The following TRIO variants were observed in gnomAD, a reference collection of about 807,000 sequenced individuals.
The protein encoded by TRIO is trio Rho guanine nucleotide exchange factor.
TRIO carries 58 observed loss-of-function variants against 351.9 expected under a neutral mutation model. That is an observed-to-expected ratio of 0.16 (90% CI 0.13 to 0.21). The LOEUF is 0.21. TRIO is among the 10% of genes least tolerant of loss of function. TRIO has a pLI of 1.00. For missense variants in TRIO, 3,201 were observed against 4,027.8 expected, an observed-to-expected ratio of 0.79 and a Z score of 5.56; for synonymous variants, 1,758 against 1,595.7, an observed-to-expected ratio of 1.10 and a Z score of -2.42.
intron 1 of TRIO, among the ~76,000 whole-genome samples, chr5:14,201,871 A>G (rs1791131748): frequency 6.6e-6 from 1 of 151,566 alleles, no homozygotes. Flanking sequence ...GTTTCAAGAA[A>G]AAAGTTGAAA....
chr5:14,271,853 A>G (rs1277593584), intron 2 of TRIO, among the ~76,000 whole-genome samples: 1 of 152,200 alleles, frequency 6.6e-6, no homozygotes, highest in Non-Finnish European at 1.5e-5. Flanking sequence ...TGATACTGCT[A>G]TATATTTAAG....
intron 1 of TRIO, among the ~76,000 whole-genome samples, chr5:14,247,454 A>G (rs1435769268): frequency 6.6e-6 from 1 of 152,278 alleles, no homozygotes; most frequent in Non-Finnish European, 1.5e-5. Flanking sequence ...ATGGTAAGAT[A>G]TAAAAGTCTT....
At chr5:14,330,460 T>C (rs1037971094) in intron 9 of TRIO, among the ~76,000 whole-genome samples, 2 of 152,204 alleles carry the variant, frequency 1.3e-5, no homozygotes, top group Non-Finnish European at 2.9e-5. Flanking sequence ...ACCCAGTCAG[T>C]TTGGTGGCCC....
At chr5:14,426,653 G>C (rs1222351170) in intron 34 of TRIO, among the ~76,000 whole-genome samples, 1 of 152,208 alleles carries the variant, frequency 6.6e-6, no homozygotes, top group East Asian at 1.9e-4. Flanking sequence ...TAAACCGTAG[G>C]CTCGGTAGAG....
At chr5:14,341,883 TGG>T (rs1401010256) in intron 11 of TRIO, among the ~76,000 whole-genome samples, 1 of 152,246 alleles carries the variant, frequency 6.6e-6, no homozygotes, top group African/African-American at 2.4e-5. Context: ...GGAAGCCTCT[TGG>T]TTCTAGTTCT....
intron 4 of TRIO, among the ~76,000 whole-genome samples, chr5:14,289,122 T>G (rs1017643920): frequency 6.6e-6 from 1 of 152,106 alleles, no homozygotes; most frequent in African/African-American, 2.4e-5. Flanking sequence ...GCGCGGTGGC[T>G]CATGCCTGTA....
intron 9 of TRIO, among the ~76,000 whole-genome samples, chr5:14,324,624 C>G (rs1462341999): frequency 2.0e-5 from 3 of 152,190 alleles, no homozygotes; most frequent in Non-Finnish European, 4.4e-5. Context: ...ATGTAGTGAG[C>G]TTGGAGTTGA....
intron 1 of TRIO, among the ~76,000 whole-genome samples, chr5:14,267,417 G>C (rs1170931868): frequency 1.3e-5 from 2 of 152,120 alleles, no homozygotes; most frequent in East Asian, 3.9e-4. Flanking sequence ...CTTCCAGGGG[G>C]CGGCCACCGA....
chr5:14,325,653 CAGAG>C (rs1460601817), intron 9 of TRIO, among the ~76,000 whole-genome samples: 1 of 151,802 alleles, frequency 6.6e-6, no homozygotes, highest in Non-Finnish European at 1.5e-5. Context: ...CAAACCACAG[CAGAG>C]AGAGAAAGAG....
intron 12 of TRIO, among the ~76,000 whole-genome samples, chr5:14,358,704 G>A (rs1374569773): frequency 6.6e-6 from 1 of 152,180 alleles, no homozygotes; most frequent in Non-Finnish European, 1.5e-5. Context: ...GGCTGATCTA[G>A]AGCACAGCAG....
chr5:14,312,424 G>A (rs1401591705), intron 8 of TRIO, among the ~76,000 whole-genome samples: 1 of 152,148 alleles, frequency 6.6e-6, no homozygotes, highest in Admixed American at 6.5e-5. Flanking sequence ...GGATATCAGA[G>A]CATTTTAGTT....
chr5:14,329,437 T>C (rs1050005635), intron 9 of TRIO, among the ~76,000 whole-genome samples: 10 of 152,210 alleles, frequency 6.6e-5, no homozygotes, highest in Non-Finnish European at 1.2e-4. Context: ...GTTTGCCCCT[T>C]CCTCCATGTG....
intron 30 of TRIO, among the ~76,000 whole-genome samples, chr5:14,399,622 C>T (rs1274503175): frequency 6.6e-6 from 1 of 152,132 alleles, no homozygotes; most frequent in Non-Finnish European, 1.5e-5. Context: ...GACAGCTGCC[C>T]CTGAGTGCTT....
chr5:14,476,154 C>A (rs934950780), intron 40 of TRIO, among the ~76,000 whole-genome samples: 4 of 152,296 alleles, frequency 2.6e-5, no homozygotes, highest in African/African-American at 9.6e-5. Context: ...CAATTTGAGT[C>A]TCTAAAAATT....
intron 1 of TRIO, among the ~76,000 whole-genome samples, chr5:14,263,872 T>C (rs10513170): frequency 0.11 from 17,384 of 152,140 alleles, 1,331 homozygotes; most frequent in African/African-American, 0.21. Context: ...TAGACGAATG[T>C]GTTCTTTATT....
rs552479806 is a variant in TRIO at position 14,204,471 on chromosome 5, A to T, written c.157+60589A>T. ...GCTTAGGGACAAGCAAGGTCCTGGC[A>T]CCCATGGTTGAGTGAGTGGACCACA... On this transcript the variant is annotated intron_variant, in intron 1 of 56. Transcript: ENST00000344204. Among the ~76,000 whole-genome samples the T allele has an allele frequency of 6.9e-4, 105 of 152,192 alleles. 1 individual carries two copies. Among genetic ancestry groups the T allele is most frequent in the Admixed American group, 4.8e-3 (73 of 15,286 alleles).
At chr5:14,343,483 A>C (rs947326093) in intron 11 of TRIO, among the ~76,000 whole-genome samples, 6 of 152,204 alleles carry the variant, frequency 3.9e-5, no homozygotes, top group African/African-American at 1.4e-4. Flanking sequence ...TTATTTCTAA[A>C]ATGTTACATA....
At chr5:14,495,350 G>T (rs1410150555) in intron 49 of TRIO, among the ~76,000 whole-genome samples, 1 of 152,140 alleles carries the variant, frequency 6.6e-6, no homozygotes, top group Non-Finnish European at 1.5e-5. Flanking sequence ...TATTGGCAAA[G>T]AATTTAGAAT....
rs1311249633 is a variant in TRIO at position 14,498,302 on chromosome 5, G to A, written c.8210+51G>A. 3.8e-6 allele frequency: 6 copies of A among 1,595,142 alleles called. No individual in the cohort carries two copies. In the African/African-American group the frequency reaches 6.7e-5, roughly 18 times the overall value. Reference sequence around the variant, plus strand: ...TTTCGCTGGCTGGGAGCACCATCTTGTCACTTGGCAACTGGAAATTCCTCC... The same window carrying A: ...TTTCGCTGGCTGGGAGCACCATCTTATCACTTGGCAACTGGAAATTCCTCC... On this transcript the variant is annotated intron_variant, in intron 52 of 56. Transcript: ENST00000344204.
Sources: allele counts gnomAD v4.1 joint callset (sites outside exome capture counted in the v4.1 genomes callset), GRCh38; gene constraint gnomAD v4.1.1; transcripts MANE v1.5; gene names NCBI Gene and HGNC (gene_info 2026-07-23, HGNC 2026-07-21).